The following ARHGAP12 variants were observed in gnomAD, a reference collection of about 807,000 sequenced individuals.
ARHGAP12 encodes rho GTPase-activating protein 12.
Under a neutral mutation model 108.6 loss-of-function variants are expected in ARHGAP12, and 64 were observed. The ratio of observed to expected loss-of-function variants is 0.59; its 90% CI spans 0.48 to 0.73. ARHGAP12 has a LOEUF of 0.73. Among genes scored for constraint, ARHGAP12 ranks in the 30% least tolerant of loss-of-function variants. The pLI is 0.00. For missense variants in ARHGAP12, 940 were observed against 1,005.9 expected (o/e 0.93, Z 0.89); for synonymous variants, 312 against 337.2 (o/e 0.93, Z 0.82).
intron 3 of ARHGAP12, among the ~76,000 whole-genome samples, chr10:31,884,954 T>G (rs573490252): frequency 6.6e-6 from 1 of 152,318 alleles, no homozygotes; most frequent in South Asian, 2.1e-4. Context: ...TTTCTTATTT[T>G]TTTTTAATTT....
chr10:31,883,772 C>T (rs926201026), intron 3 of ARHGAP12, among the ~76,000 whole-genome samples: 4 of 150,126 alleles, frequency 2.7e-5, no homozygotes, highest in African/African-American at 7.4e-5. Flanking sequence ...AGTTCAGTGG[C>T]GTGATCTCAG....
intron 3 of ARHGAP12, among the ~76,000 whole-genome samples, chr10:31,882,674 G>A (rs1332120747): frequency 2.6e-5 from 4 of 151,950 alleles, no homozygotes; most frequent in African/African-American, 9.7e-5. Context: ...CTACGTGGGC[G>A]TGGTGGCACG....
chr10:31,887,178 G>A (rs1054124198), intron 3 of ARHGAP12, among the ~76,000 whole-genome samples: 3 of 152,134 alleles, frequency 2.0e-5, no homozygotes, highest in African/African-American at 4.8e-5. Flanking sequence ...GAAGATCCAG[G>A]GAAGTGTTGC....
intron 3 of ARHGAP12, among the ~76,000 whole-genome samples, chr10:31,905,356 G>C (rs1839090622): frequency 6.6e-6 from 1 of 152,118 alleles, no homozygotes; most frequent in Non-Finnish European, 1.5e-5. Context: ...GCAGCCTCCT[G>C]CATAGCTGGG....
At chr10:31,816,169 G>GTGTGTGTA (rs1491545922) in intron 13 of ARHGAP12, among the ~76,000 whole-genome samples, 4 of 4,680 alleles carry the variant, frequency 8.5e-4, no homozygotes, top group African/African-American at 1.9e-3. Flanking sequence ...AGAAAGAAAC[G>GTGTGTGTA]TGTGTGTGTG....
At chr10:31,896,489 T>C (rs1344818385) in intron 3 of ARHGAP12, among the ~76,000 whole-genome samples, 1 of 152,110 alleles carries the variant, frequency 6.6e-6, no homozygotes, top group Non-Finnish European at 1.5e-5. Flanking sequence ...CGTGTCAGCC[T>C]CATAGAGAAA....
intron 3 of ARHGAP12, among the ~76,000 whole-genome samples, chr10:31,887,660 T>G (rs970057310): frequency 3.2e-5 from 4 of 123,190 alleles, no homozygotes; most frequent in African/African-American, 9.4e-5. Context: ...GTTTTTTTTT[T>G]GTTTTTTTTT....
At chr10:31,875,306 C>T (rs117651672) in intron 3 of ARHGAP12, among the ~76,000 whole-genome samples, 2,173 of 152,232 alleles carry the variant, frequency 0.014, 22 homozygotes, top group Non-Finnish European at 0.022. Flanking sequence ...GAGGTCAATA[C>T]TCAAAACTTA....
chr10:31,913,521 A>C (rs1430032602), intron 1 of ARHGAP12: 2 of 168,072 alleles, frequency 1.2e-5, no homozygotes, highest in African/African-American at 4.8e-5. Flanking sequence ...ACTGTAAAGA[A>C]ACTGGGAGAG....
intron 10 of ARHGAP12, among the ~76,000 whole-genome samples, chr10:31,827,176 C>T (rs928507906): frequency 8.5e-5 from 13 of 152,150 alleles, no homozygotes; most frequent in African/African-American, 3.1e-4. Flanking sequence ...AACTTTAAAG[C>T]TTTTGAATAT....
chr10:31,914,098 T>C (rs1315332815), intron 1 of ARHGAP12, among the ~76,000 whole-genome samples: 1 of 152,224 alleles, frequency 6.6e-6, no homozygotes, highest in Non-Finnish European at 1.5e-5. Context: ...CACTCTGTAA[T>C]TGCAAAAACA....
At position 31,920,449 on chromosome 10, in the gene ARHGAP12, C is replaced by CAAAAA. The variant is rs71027040; in HGVS notation, c.-111+8229_-111+8233dup. Among the ~76,000 whole-genome samples the CAAAAA allele has an allele frequency of 2.1e-3, 124 of 59,448 alleles. 3 individuals are homozygous for CAAAAA. Among genetic ancestry groups the CAAAAA allele is most frequent in the Middle Eastern group, 0.023 (2 of 86 alleles). The allele number at this position is 59,448 out of a possible 152,430, so 39.0% of individuals were successfully genotyped here. On this transcript the variant is annotated intron_variant, in intron 1 of 19. Coordinates refer to ENST00000344936, the MANE Select transcript of ARHGAP12 (RefSeq NM_018287.7). Reference sequence around the variant, plus strand: ...TAGGCGACAGAGTGAGACTCCGTCTCAAAAAAAAAAAAAAAAAAAAAAGAA... The same window carrying CAAAAA: ...TAGGCGACAGAGTGAGACTCCGTCTCAAAAAAAAAAAAAAAAAAAAAAAAAAAGAA...
intron 4 of ARHGAP12, among the ~76,000 whole-genome samples, chr10:31,858,991 G>C (rs1013487912): frequency 3.5e-5 from 5 of 142,100 alleles, no homozygotes; most frequent in African/African-American, 5.0e-5. Flanking sequence ...TGTGAAACTG[G>C]GGAGTGAAAG....
Position 31,808,750 on chromosome 10 carries a change from C to G in ARHGAP12, c.2265G>C (p.Lys755Asn), listed in dbSNP as rs1453752189. The G allele has an allele frequency of 1.2e-6, 2 of 1,612,416 alleles. No individual in the cohort carries two copies. The highest frequency in any genetic ancestry group is 1.1e-5 in the South Asian group (1 of 90,764). ...NHFNDFVNAI[K>N]QEPRQRVAAV... ...CAGCGACTCGCTGTCTTGGTTCTTG[C>G]TCTGAAAAAAGATAATAACCAGATA... is the stretch of plus-strand genomic sequence containing the variant. Residue 755 changes from lysine to asparagine, a missense_variant and splice_region_variant, in exon 19 of 20, where the codon AAG becomes AAC. Lys to Asn is a moderately conservative substitution (Grantham distance 94, BLOSUM62 0). Transcript: ENST00000344936.
intron 13 of ARHGAP12, among the ~76,000 whole-genome samples, chr10:31,817,415 C>T (rs1399955437): frequency 6.6e-6 from 1 of 152,094 alleles, no homozygotes; most frequent in African/African-American, 2.4e-5. Flanking sequence ...GAGACTACAG[C>T]TTCTTTCATT....
intron 6 of ARHGAP12, among the ~76,000 whole-genome samples, chr10:31,843,813 T>C (rs1006349189): frequency 1.3e-5 from 2 of 152,176 alleles, no homozygotes; most frequent in African/African-American, 4.8e-5. Context: ...AGTGTTATCT[T>C]TGGTAAAATA....
At chr10:31,809,507 T>TAA (rs1834938318) in intron 16 of ARHGAP12, 200 bp from the exon 17 acceptor site, 3 of 541,074 alleles carry the variant, frequency 5.5e-6, no homozygotes, top group Non-Finnish European at 1.0e-5. Flanking sequence ...TTCTGTTTAA[T>TAA]AAACAGCAGT....
intron 3 of ARHGAP12, among the ~76,000 whole-genome samples, chr10:31,891,133 T>A (rs972875772): frequency 6.6e-6 from 1 of 152,214 alleles, no homozygotes; most frequent in Non-Finnish European, 1.5e-5. Flanking sequence ...TATACTATGA[T>A]AATAGCACCT....
chr10:31,868,369 G>A (rs902551029), intron 3 of ARHGAP12, among the ~76,000 whole-genome samples: 1 of 151,968 alleles, frequency 6.6e-6, no homozygotes, highest in Admixed American at 6.5e-5. Flanking sequence ...TATTATATAT[G>A]TTTTTTTCTA....
Sources: allele counts gnomAD v4.1 joint callset (sites outside exome capture counted in the v4.1 genomes callset), GRCh38; gene constraint gnomAD v4.1.1; transcripts MANE v1.5; gene names NCBI Gene and HGNC (gene_info 2026-07-23, HGNC 2026-07-21).